SLIT2: variants seen among roughly 807,000 people sequenced by gnomAD.
SLIT2 encodes the protein slit guidance ligand 2.
SLIT2 carries 41 observed loss-of-function variants against 185.7 expected under a neutral mutation model. The ratio of observed to expected loss-of-function variants is 0.22; its 90% confidence interval spans 0.17 to 0.29. The LOEUF (loss-of-function observed/expected upper bound fraction) is 0.29. Among genes scored for constraint, SLIT2 ranks in the 10% least tolerant of loss-of-function variants. The pLI is 1.00. For synonymous variants in SLIT2, 693 were observed against 680.2 expected, an observed-to-expected ratio of 1.02 and a Z score of -0.29; for missense variants, 1,571 against 1,909.0, an observed-to-expected ratio of 0.82 and a Z score of 3.30.
chr4:20,611,513 A>G (rs114765134), intron 34 of SLIT2, among the ~76,000 whole-genome samples: 49 of 152,354 alleles, frequency 3.2e-4, no homozygotes, highest in African/African-American at 1.2e-3. Context: ...ATAATGCATT[A>G]TAAATAAAGT....
At chr4:20,568,795 A>C (rs1397056415) in intron 28 of SLIT2, 70 bp from the exon 29 acceptor site, 1 of 1,409,460 alleles carries the variant, frequency 7.1e-7, no homozygotes, top group African/African-American at 1.4e-5. Context: ...TGCTTTTTTC[A>C]ATATTTAGAC....
intron 28 of SLIT2, among the ~76,000 whole-genome samples, chr4:20,567,830 T>C (rs1725233238): frequency 6.6e-6 from 1 of 152,080 alleles, no homozygotes; most frequent in African/African-American, 2.4e-5. Flanking sequence ...AAACCAAAAC[T>C]AATTTACAAA....
At chr4:20,442,783 C>A (rs1032592966) in intron 4 of SLIT2, among the ~76,000 whole-genome samples, 18 of 152,066 alleles carry the variant, frequency 1.2e-4, no homozygotes, top group Non-Finnish European at 2.5e-4. Context: ...GCTCTATTGC[C>A]AGCAAACTCT....
At chr4:20,423,340 A>G (rs1272067456) in intron 4 of SLIT2, among the ~76,000 whole-genome samples, 2 of 151,838 alleles carry the variant, frequency 1.3e-5, no homozygotes, top group African/African-American at 4.8e-5. Context: ...TGAAATACTC[A>G]TTATTTACAT....
rs1276125905 is a variant in SLIT2, at chr4:20,472,482, A to C, written c.467+4659A>C. On this transcript the variant is annotated intron_variant, in intron 5 of 36. Transcript: ENST00000504154. ...TATCTATATCTATATATAGATATAT[A>C]TCTATATATAGATATATATCTATAT... Among the ~76,000 whole-genome samples the C allele has an allele frequency of 1.8e-4, 5 of 27,208 alleles. 1 individual carries two copies. The highest frequency in any genetic ancestry group is 5.2e-4 in the African/African-American group (2 of 3,840). 17.8% of individuals were successfully genotyped at this position (27,208 alleles called of 152,430 possible).
At chr4:20,420,233 A>G (rs1291061527) in intron 4 of SLIT2, among the ~76,000 whole-genome samples, 4 of 152,168 alleles carry the variant, frequency 2.6e-5, no homozygotes, top group African/African-American at 7.2e-5. Flanking sequence ...TCCACATACT[A>G]CAACTGTGAG....
chr4:20,592,071 G>A (rs570679625), intron 30 of SLIT2, among the ~76,000 whole-genome samples: 4 of 152,192 alleles, frequency 2.6e-5, no homozygotes, highest in Admixed American at 6.5e-5. Context: ...TGTTACTCCC[G>A]ACATTGTGGG....
chr4:20,451,396 T>C (rs1712458279), intron 4 of SLIT2, among the ~76,000 whole-genome samples: 1 of 152,220 alleles, frequency 6.6e-6, no homozygotes, highest in Non-Finnish European at 1.5e-5. Flanking sequence ...GATGTCTCCT[T>C]TGTTCCAGCT....
intron 4 of SLIT2, among the ~76,000 whole-genome samples, chr4:20,413,613 G>T (rs1411581584): frequency 6.6e-6 from 1 of 151,674 alleles, no homozygotes; most frequent in Non-Finnish European, 1.5e-5. Flanking sequence ...TTTTTATTTT[G>T]GAGCTCTGTT....
intron 9 of SLIT2, among the ~76,000 whole-genome samples, chr4:20,495,358 A>T (rs922964532): frequency 2.6e-5 from 4 of 152,198 alleles, no homozygotes; most frequent in Non-Finnish European, 5.9e-5. Context: ...TACATGTGGG[A>T]GCAAGATCAG....
chr4:20,324,789 G>T (rs1719417463), intron 4 of SLIT2, among the ~76,000 whole-genome samples: 1 of 152,112 alleles, frequency 6.6e-6, no homozygotes. Flanking sequence ...GTTGAAGCTG[G>T]TGAATATGTT....
At chr4:20,468,834 T>C (rs1350269790) in intron 5 of SLIT2, among the ~76,000 whole-genome samples, 2 of 148,624 alleles carry the variant, frequency 1.3e-5, no homozygotes, top group African/African-American at 4.9e-5. Context: ...GAATTCTCCA[T>C]GGTTGGATCC....
At chr4:20,497,982 GC>G (rs1384425142) in intron 9 of SLIT2, among the ~76,000 whole-genome samples, 1 of 152,116 alleles carries the variant, frequency 6.6e-6, no homozygotes, top group Non-Finnish European at 1.5e-5. Flanking sequence ...CACCATCCTG[GC>G]CAAAATGGTG....
intron 29 of SLIT2, among the ~76,000 whole-genome samples, chr4:20,570,756 T>TATATATATATAC (rs1560204581): frequency 7.2e-6 from 1 of 139,838 alleles, no homozygotes; most frequent in Non-Finnish European, 1.5e-5. Context: ...TATATATATA[T>TATATATATATAC]ATATATTTCC....
intron 4 of SLIT2, among the ~76,000 whole-genome samples, chr4:20,382,677 A>G (rs1373163332): frequency 6.6e-6 from 1 of 152,154 alleles, no homozygotes; most frequent in African/African-American, 2.4e-5. Flanking sequence ...ATAGAAAAAT[A>G]TAGCATACTA....
chr4:20,437,708 C>T (rs972149817), intron 4 of SLIT2, among the ~76,000 whole-genome samples: 4 of 151,684 alleles, frequency 2.6e-5, no homozygotes, highest in Non-Finnish European at 4.4e-5. Context: ...GTCAGGAGAT[C>T]GAGACTATCC....
intron 8 of SLIT2, 143 bp from the exon 9 acceptor site, chr4:20,491,618 T>G (rs1358567578): frequency 1.6e-6 from 1 of 609,660 alleles, no homozygotes; most frequent in Non-Finnish European, 2.7e-6. Flanking sequence ...AAAATATATT[T>G]TAGAAATATA....
At chr4:20,399,974 C>G (rs1399963976) in intron 4 of SLIT2, among the ~76,000 whole-genome samples, 2 of 151,618 alleles carry the variant, frequency 1.3e-5, no homozygotes, top group African/African-American at 4.8e-5. Context: ...AAGAGAAATA[C>G]AGGTGTGATG....
At chr4:20,573,692 T>C (rs1389759731) in intron 29 of SLIT2, among the ~76,000 whole-genome samples, 4 of 152,082 alleles carry the variant, frequency 2.6e-5, no homozygotes, top group Non-Finnish European at 4.4e-5. Context: ...TCCCATAACT[T>C]TAAGCAAATA....
Sources: gnomAD v4.1 joint callset for allele counts (sites outside exome capture counted in the v4.1 genomes callset) on GRCh38, gnomAD v4.1.1 for gene constraint, MANE v1.5 for transcripts, NCBI Gene and HGNC (gene_info 2026-07-23, HGNC 2026-07-21) for gene names.